Variants in SH3RF3 observed in about 807,000 individuals in gnomAD.
SH3RF3 encodes the protein E3 ubiquitin-protein ligase SH3RF3.
Under a neutral mutation model 66.3 loss-of-function variants are expected in SH3RF3, and 29 were observed. The observed-to-expected ratio is 0.44, with a 90% CI of 0.33 to 0.60. The LOEUF is 0.60. SH3RF3 is among the 20% of genes least tolerant of loss of function. The pLI is 0.04. For missense variants in SH3RF3, 1,194 were observed against 1,190.9 expected (o/e 1.00, Z -0.04); for synonymous variants, 583 against 532.0 (o/e 1.10, Z -1.32).
chr2:109,207,079 G>A (rs1678858776), intron 1 of SH3RF3, among the ~76,000 whole-genome samples: 1 of 152,190 alleles, frequency 6.6e-6, no homozygotes, highest in African/African-American at 2.4e-5. Context: ...GGCCTGGGGA[G>A]CTTAGTGCGC....
intron 1 of SH3RF3, among the ~76,000 whole-genome samples, chr2:109,311,843 T>C (rs933311278): frequency 7.0e-6 from 1 of 143,204 alleles, no homozygotes; most frequent in Non-Finnish European, 1.5e-5. Context: ...CCTTTCTTTA[T>C]TGTTATTTTT....
At chr2:109,336,704 T>C (rs557557892) in intron 1 of SH3RF3, among the ~76,000 whole-genome samples, 146 of 152,388 alleles carry the variant, frequency 9.6e-4, no homozygotes, top group Non-Finnish European at 1.6e-3. Flanking sequence ...ACCTTAAGTC[T>C]GTAAAAGCAA....
chr2:109,154,942 T>C (rs575825405), intron 1 of SH3RF3, among the ~76,000 whole-genome samples: 14 of 152,206 alleles, frequency 9.2e-5, no homozygotes, highest in Non-Finnish European at 2.1e-4. Flanking sequence ...TCACGACTTG[T>C]CAAAAGAGGC....
intron 1 of SH3RF3, among the ~76,000 whole-genome samples, chr2:109,233,625 A>G (rs899959035): frequency 1.3e-5 from 2 of 152,040 alleles, no homozygotes; most frequent in African/African-American, 2.4e-5. Flanking sequence ...CCGGGGAACC[A>G]CCCTCTTCTA....
At chr2:109,254,361 T>C (rs1680169505) in intron 1 of SH3RF3, among the ~76,000 whole-genome samples, 1 of 152,188 alleles carries the variant, frequency 6.6e-6, no homozygotes, top group South Asian at 2.1e-4. Context: ...TTGGCCTCTC[T>C]GTGCCTCAGT....
chr2:109,362,943 T>C (rs1683078160), intron 2 of SH3RF3, among the ~76,000 whole-genome samples: 2 of 152,204 alleles, frequency 1.3e-5, no homozygotes, highest in Admixed American at 1.3e-4. Flanking sequence ...GTTAATCTGC[T>C]TGTGTGTGTA....
At chr2:109,467,739 C>A (rs1226736808) in intron 8 of SH3RF3, among the ~76,000 whole-genome samples, 1 of 152,220 alleles carries the variant, frequency 6.6e-6, no homozygotes, top group African/African-American at 2.4e-5. Flanking sequence ...TGAAGCAGCT[C>A]CTCTCTGATT....
At chr2:109,269,771 GGAGGGGT>G (rs1680583115) in intron 1 of SH3RF3, among the ~76,000 whole-genome samples, 1 of 152,166 alleles carries the variant, frequency 6.6e-6, no homozygotes, top group African/African-American at 2.4e-5. Flanking sequence ...AGAGCAGCCG[GGAGGGGT>G]GAGGGGAACT....
chr2:109,411,102 AG>A (rs1676575976), intron 4 of SH3RF3, among the ~76,000 whole-genome samples: 2 of 152,246 alleles, frequency 1.3e-5, no homozygotes, highest in Non-Finnish European at 2.9e-5. Context: ...TCCAGGGCCA[AG>A]CACCATGGTT....
At chr2:109,223,724 T>C (rs1405537147) in intron 1 of SH3RF3, among the ~76,000 whole-genome samples, 1 of 152,096 alleles carries the variant, frequency 6.6e-6, no homozygotes, top group East Asian at 1.9e-4. Context: ...GGATGTGTCG[T>C]TGTCTTTCCT....
intron 1 of SH3RF3, among the ~76,000 whole-genome samples, chr2:109,205,925 A>AT (rs755233754): frequency 1.3e-5 from 2 of 152,208 alleles, no homozygotes; most frequent in Admixed American, 6.5e-5. Context: ...TTGACTTAAA[A>AT]AAGTAGATGT....
In SH3RF3 at chr2:109,334,358, T is replaced by TAAA. The variant is rs372662372; in HGVS notation, c.574-13299_574-13297dup. ...GGGTGACAGTTTTTTTTTTTTCCTT[T>TAAA]AAAAAAAAAAAAAAAAAAATCTTAA... On this transcript the variant is annotated intron_variant, in intron 1 of 9. Coordinates refer to ENST00000309415, the MANE Select transcript of SH3RF3 (RefSeq NM_001099289.3). 8.3e-3 allele frequency among the ~76,000 whole-genome samples: 1,048 copies of TAAA among 126,092 alleles called. 6 individuals are homozygous for TAAA. Among genetic ancestry groups the TAAA allele is most frequent in the East Asian group, 0.043 (177 of 4,164 alleles). 82.7% of individuals were successfully genotyped at this position (126,092 alleles called of 152,430 possible).
intron 3 of SH3RF3, among the ~76,000 whole-genome samples, chr2:109,392,365 T>C (rs1258934339): frequency 6.6e-6 from 1 of 152,132 alleles, no homozygotes; most frequent in Non-Finnish European, 1.5e-5. Context: ...TTGGAACAGG[T>C]CACTTAACCT....
chr2:109,421,368 G>A (rs946062171), intron 5 of SH3RF3, among the ~76,000 whole-genome samples: 3 of 152,224 alleles, frequency 2.0e-5, no homozygotes, highest in Non-Finnish European at 2.9e-5. Context: ...GAGAGCAAAG[G>A]CCTCCCCTTC....
intron 1 of SH3RF3, among the ~76,000 whole-genome samples, chr2:109,256,953 G>C (rs1159122918): frequency 6.6e-6 from 1 of 152,192 alleles, no homozygotes; most frequent in East Asian, 1.9e-4. Flanking sequence ...AGGACTAGCA[G>C]CTCTTCATGC....
intron 1 of SH3RF3, among the ~76,000 whole-genome samples, chr2:109,339,077 C>A (rs1682495798): frequency 6.6e-6 from 1 of 152,126 alleles, no homozygotes; most frequent in Non-Finnish European, 1.5e-5. Flanking sequence ...TCATAAAGGT[C>A]TACATCTTCA....
chr2:109,210,437 A>G (rs994364731), intron 1 of SH3RF3, among the ~76,000 whole-genome samples: 2 of 152,222 alleles, frequency 1.3e-5, no homozygotes, highest in African/African-American at 2.4e-5. Flanking sequence ...GTGAGGCTAC[A>G]TGTTGTTTTC....
intron 1 of SH3RF3, among the ~76,000 whole-genome samples, chr2:109,338,097 C>A (rs367691670): frequency 6.6e-6 from 1 of 152,162 alleles, no homozygotes; most frequent in Non-Finnish European, 1.5e-5. Context: ...TTAGTAAACA[C>A]GCTGTGTGCT....
At position 109,432,616 on chromosome 2, in the gene SH3RF3, C is replaced by G; in HGVS notation, c.1519C>G (p.Leu507Val). Residue 507 changes from leucine to valine, a missense_variant, in exon 6 of 10, where the codon CTG becomes GTG. Transcript: ENST00000309415. ...CQDGWFKGAS[L>V]RTGVSGVFPG... ...GGATGGCTGGTTCAAGGGGGCGTCTCTGAGGACCGGGGTCTCTGGGGTGTT... is the reference window on the plus strand; with the variant it reads ...GGATGGCTGGTTCAAGGGGGCGTCTGTGAGGACCGGGGTCTCTGGGGTGTT... 7 of 1,613,238 alleles carry G rather than the reference C, an allele frequency of 4.3e-6. No individual in the cohort carries two copies. Among genetic ancestry groups the G allele is most frequent in the Non-Finnish European group, 5.9e-6 (7 of 1,179,642 alleles).
Sources: gnomAD v4.1 joint callset for allele counts (sites outside exome capture counted in the v4.1 genomes callset) on GRCh38, gnomAD v4.1.1 for gene constraint, MANE v1.5 for transcripts, NCBI Gene and HGNC (gene_info 2026-07-23, HGNC 2026-07-21) for gene names.